The following YEATS2 variants were observed in gnomAD, a reference collection of about 807,000 sequenced individuals.
YEATS2 encodes the protein YEATS domain containing 2, also known as YEATS domain-containing protein 2.
Under a neutral mutation model 163.2 loss-of-function variants are expected in YEATS2, and 77 were observed. That is an observed-to-expected ratio of 0.47 (90% CI 0.39 to 0.57). The LOEUF (loss-of-function observed/expected upper bound fraction) is 0.57. YEATS2 is among the 20% of genes least tolerant of loss of function. The probability of loss-of-function intolerance (pLI) is 0.00; values close to 1 mark genes in which losing one functional copy is unlikely to be tolerated. For synonymous variants in YEATS2, 631 were observed against 645.1 expected, an observed-to-expected ratio of 0.98 and a Z score of 0.33; for missense variants, 1,549 against 1,729.8, an observed-to-expected ratio of 0.90 and a Z score of 1.85.
At chr3:183,765,609 TAC>T (rs1037657892) in intron 15 of YEATS2, among the ~76,000 whole-genome samples, 3 of 152,150 alleles carry the variant, frequency 2.0e-5, no homozygotes, top group African/African-American at 7.2e-5. Flanking sequence ...TGTCTGTGAG[TAC>T]AGACTGTTCC....
At chr3:183,809,253 T>TA (rs1481137025) in intron 30 of YEATS2, 83 bp downstream of exon 30, 3 of 1,379,420 alleles carry the variant, frequency 2.2e-6, no homozygotes, top group Non-Finnish European at 2.1e-6. Flanking sequence ...GTTTTATACT[T>TA]ACATCAATCC....
chr3:183,728,491 T>A (rs998860997), intron 6 of YEATS2, among the ~76,000 whole-genome samples, 199 bp from the exon 7 acceptor site: 2 of 152,208 alleles, frequency 1.3e-5, no homozygotes, highest in African/African-American at 4.8e-5. Flanking sequence ...AGCCACTGCA[T>A]CCAGCCCCAG....
At chr3:183,744,990 A>C (rs1157405902) in intron 8 of YEATS2, among the ~76,000 whole-genome samples, 1 of 152,156 alleles carries the variant, frequency 6.6e-6, no homozygotes, top group East Asian at 1.9e-4. Flanking sequence ...AGCTGGGACT[A>C]CAGGTGCACG....
chr3:183,798,194 G>C, intron 22 of YEATS2, 143 bp downstream of exon 22: 1 of 1,283,438 alleles, frequency 7.8e-7, no homozygotes, highest in Non-Finnish European at 1.1e-6. Context: ...CCACCCTTCA[G>C]CTGTCATGGT....
chr3:183,775,446 T>A (rs1039539235), intron 17 of YEATS2, among the ~76,000 whole-genome samples: 3 of 152,140 alleles, frequency 2.0e-5, no homozygotes, highest in Non-Finnish European at 4.4e-5. Flanking sequence ...AAATACAAAA[T>A]TAGCTGGGCA....
At chr3:183,785,044 G>A (rs1259948260) in intron 19 of YEATS2, among the ~76,000 whole-genome samples, 1 of 151,794 alleles carries the variant, frequency 6.6e-6, no homozygotes, top group Non-Finnish European at 1.5e-5. Flanking sequence ...CTGCACTCCA[G>A]TCTGAGCAAA....
At chr3:183,750,198 G>C (rs262953) in intron 9 of YEATS2, among the ~76,000 whole-genome samples, 1 of 152,040 alleles carries the variant, frequency 6.6e-6, no homozygotes, top group Middle Eastern at 3.2e-3. Context: ...GGCTCAAGCT[G>C]TCCGCCTGCC....
chr3:183,718,374 CT>C, intron 3 of YEATS2, 125 bp from the exon 4 acceptor site: 1 of 678,838 alleles, frequency 1.5e-6, no homozygotes, highest in Non-Finnish European at 2.3e-6. Flanking sequence ...ATTTGTTTTT[CT>C]TTTGATTGTT....
Position 183,777,680 on chromosome 3 carries a change from A to G in YEATS2, c.2716A>G (p.Lys906Glu). The G allele has an allele frequency of 6.2e-7, 1 of 1,614,200 alleles. No individual in the cohort carries two copies. Among genetic ancestry groups the G allele is most frequent in the Non-Finnish European group, 8.5e-7 (1 of 1,180,038 alleles). Residue 906 changes from lysine to glutamate, a missense_variant, in exon 19 of 31, where the codon AAA becomes GAA. By Grantham distance (56) the Lys-to-Glu change is moderately conservative. Coordinates refer to ENST00000305135, the MANE Select transcript of YEATS2 (RefSeq NM_018023.5). ...AACGCTAAAAGTCATCTCTGGACAG[A>G]AAACCACATTGTTTACACAGGTAAA... The part of the protein sequence containing the change: ...QQTLKVISGQ[K>E]TTLFTQAAHG...
intron 28 of YEATS2, chr3:183,807,434 C>T (rs1726329441): frequency 3.2e-6 from 1 of 313,062 alleles, no homozygotes. Flanking sequence ...AGCACCTTTC[C>T]CTCATGAGGC....
intron 17 of YEATS2, among the ~76,000 whole-genome samples, chr3:183,774,494 G>T (rs952386291): frequency 6.6e-6 from 1 of 152,086 alleles, no homozygotes; most frequent in Admixed American, 6.6e-5. Flanking sequence ...CAAAGCTTGG[G>T]GACAGCTGGT....
chr3:183,806,750 G>A, intron 27 of YEATS2, 116 bp from the exon 28 acceptor site: 1 of 1,003,398 alleles, frequency 1.0e-6, no homozygotes, highest in Non-Finnish European at 1.5e-6. Context: ...GAACTGGAAA[G>A]AAGGTCAGCT....
chr3:183,765,689 G>A (rs1208426245), intron 15 of YEATS2, among the ~76,000 whole-genome samples: 1 of 152,046 alleles, frequency 6.6e-6, no homozygotes, highest in Admixed American at 6.6e-5. Flanking sequence ...GTTCATGCTT[G>A]TAATTCCAGC....
At chr3:183,728,622 GACTT>G in intron 6 of YEATS2, 64 bp from the exon 7 acceptor site, 1 of 1,386,254 alleles carries the variant, frequency 7.2e-7, no homozygotes, top group Non-Finnish European at 9.6e-7. Flanking sequence ...GTTTAAGTAG[GACTT>G]AATTATTTAG....
intron 23 of YEATS2, among the ~76,000 whole-genome samples, chr3:183,799,461 G>A: frequency 6.6e-6 from 1 of 152,170 alleles, no homozygotes; most frequent in South Asian, 2.1e-4. Context: ...TAAGGGCACA[G>A]GAGAGACAGA....
At chr3:183,765,243 G>C (rs1388611999) in intron 15 of YEATS2, among the ~76,000 whole-genome samples, 1 of 152,194 alleles carries the variant, frequency 6.6e-6, no homozygotes, top group African/African-American at 2.4e-5. Flanking sequence ...GCTTCACATA[G>C]GGATATGTGG....
intron 18 of YEATS2, among the ~76,000 whole-genome samples, chr3:183,777,056 A>G (rs1003148787): frequency 6.6e-6 from 1 of 152,238 alleles, no homozygotes; most frequent in Non-Finnish European, 1.5e-5. Context: ...GGTAATAAAC[A>G]GTATTAATGT....
intron 23 of YEATS2, 78 bp downstream of exon 23, chr3:183,799,067 C>A: frequency 1.8e-6 from 2 of 1,110,982 alleles, no homozygotes; most frequent in Non-Finnish European, 2.8e-6. Flanking sequence ...TCCTGATGTC[C>A]AGAAGCTTTA....
chr3:183,796,148 A>ATTTTTTTTTTTTTTTT (rs1176974770), intron 21 of YEATS2, among the ~76,000 whole-genome samples: 22 of 96,078 alleles, frequency 2.3e-4, no homozygotes, highest in African/African-American at 9.5e-4. Flanking sequence ...ATGCCCGGCT[A>ATTTTTTTTTTTTTTTT]TTTTTTTTTT....
Sources: gnomAD v4.1 joint callset for allele counts (sites outside exome capture counted in the v4.1 genomes callset) on GRCh38, gnomAD v4.1.1 for gene constraint, MANE v1.5 for transcripts, NCBI Gene and HGNC (gene_info 2026-07-23, HGNC 2026-07-21) for gene names.